The following WDR72 variants were observed in gnomAD, a reference collection of about 807,000 sequenced individuals.
The protein encoded by WDR72 is WD repeat domain 72, also known as WD repeat-containing protein 72.
A neutral mutation model predicts 124.2 loss-of-function variants in WDR72; 120 were observed. The ratio of observed to expected loss-of-function variants is 0.97; its 90% CI spans 0.83 to 1.12. WDR72 has a LOEUF of 1.12. WDR72 is among the 50% of genes most tolerant of loss of function. The probability of loss-of-function intolerance (pLI) is 0.00; values close to 1 mark genes in which losing one functional copy is unlikely to be tolerated. For synonymous variants in WDR72, 452 were observed against 441.7 expected, an observed-to-expected ratio of 1.02 and a Z score of -0.29; for missense variants, 1,387 against 1,278.8, an observed-to-expected ratio of 1.08 and a Z score of -1.29.
chr15:53,587,413 A>G (rs1342327790), intron 18 of WDR72, among the ~76,000 whole-genome samples: 2 of 151,980 alleles, frequency 1.3e-5, no homozygotes, highest in Non-Finnish European at 2.9e-5. Context: ...ATATGCATCA[A>G]TAGCAGTGGT....
chr15:53,515,910 A>C lies in WDR72; in HGVS notation c.*1789T>G, dbSNP rs1347923500. On this transcript the variant is annotated 3_prime_UTR_variant, in exon 20 of 20. Coordinates refer to ENST00000360509, the MANE Select transcript of WDR72 (RefSeq NM_182758.4). ...CCTGAGCGTCCAAATAGATTTTAAC[A>C]ATTAAAAATGCCTCATTTGAGAGGA... 6.6e-6 allele frequency: 1 copy of C among 152,146 alleles called. No homozygotes were observed. The allele number at this position is 152,146 out of a possible 1,614,324, so 9.4% of individuals were successfully genotyped here. A position where few individuals can be genotyped will look rare whatever the true frequency, so the allele number is the denominator to read the frequency against.
At chr15:53,536,538 A>G (rs1317346831) in intron 18 of WDR72, among the ~76,000 whole-genome samples, 1 of 152,130 alleles carries the variant, frequency 6.6e-6, no homozygotes, top group Non-Finnish European at 1.5e-5. Context: ...TCCTACATCT[A>G]TAAGAGAGCT....
chr15:53,754,638 C>G (rs1034107552), intron 1 of WDR72, among the ~76,000 whole-genome samples: 1 of 152,016 alleles, frequency 6.6e-6, no homozygotes, highest in East Asian at 1.9e-4. Context: ...GGAATCGATC[C>G]AACCCATTTT....
chr15:53,650,893 GT>G (rs71297666), intron 14 of WDR72, among the ~76,000 whole-genome samples: 27,356 of 106,256 alleles, frequency 0.26, 3,093 homozygotes, highest in East Asian at 0.45. Flanking sequence ...CTCTAATTCA[GT>G]TTTTTTTTTT....
chr15:53,592,455 G>C (rs550717047), intron 18 of WDR72, among the ~76,000 whole-genome samples: 1 of 152,030 alleles, frequency 6.6e-6, no homozygotes, highest in Non-Finnish European at 1.5e-5. Flanking sequence ...TACTTCTGCA[G>C]GGCAGGATCA....
chr15:53,588,253 C>A (rs1209623017), intron 18 of WDR72, among the ~76,000 whole-genome samples: 2 of 152,000 alleles, frequency 1.3e-5, no homozygotes, highest in South Asian at 2.1e-4. Context: ...CCATCATACA[C>A]CATGTGGTCC....
intron 12 of WDR72, 82 bp downstream of exon 12, chr15:53,702,052 G>C: frequency 2.9e-6 from 3 of 1,032,284 alleles, no homozygotes; most frequent in Non-Finnish European, 2.8e-6. Context: ...GGAAATATGG[G>C]TCATTTTTAC....
intron 18 of WDR72, among the ~76,000 whole-genome samples, chr15:53,529,164 A>ATATATATATATATTTTTTTT (rs59003623): frequency 2.7e-4 from 21 of 78,144 alleles, no homozygotes; most frequent in African/African-American, 1.0e-3. Flanking sequence ...ATATATATAT[A>ATATATATATATATTTTTTTT]TTTTTTTTTT....
chr15:53,743,967 T>G (rs1045125808), intron 1 of WDR72, among the ~76,000 whole-genome samples: 7 of 127,318 alleles, frequency 5.5e-5, no homozygotes, highest in African/African-American at 2.1e-4. Flanking sequence ...AGAGCGAGAC[T>G]CGTCTCAAAA....
chr15:53,522,647 A>G (rs1255177900), intron 19 of WDR72, among the ~76,000 whole-genome samples: 1 of 152,054 alleles, frequency 6.6e-6, no homozygotes, highest in Non-Finnish European at 1.5e-5. Flanking sequence ...TCTATAAAGG[A>G]TATATACAAA....
At chr15:53,760,757 A>C (rs10467926), upstream of WDR72, among the ~76,000 whole-genome samples, 76,541 of 152,082 alleles carry the variant, frequency 0.5, 20,798 homozygotes, top group Middle Eastern at 0.66. Context: ...GAAAGCTCCA[A>C]ATTATTCTCC....
chr15:53,596,809 T>C (rs138911414), intron 18 of WDR72, among the ~76,000 whole-genome samples: 5 of 152,298 alleles, frequency 3.3e-5, no homozygotes, highest in African/African-American at 4.8e-5. Flanking sequence ...GATGATATAC[T>C]GTGAACTTAC....
intron 12 of WDR72, among the ~76,000 whole-genome samples, chr15:53,701,533 C>CCTCTCTCTCTCTCT (rs1257852154): frequency 1.8e-5 from 1 of 56,268 alleles, no homozygotes; most frequent in African/African-American, 5.9e-5. Context: ...AAAGTGAGAC[C>CCTCTCTCTCTCTCT]CTGTCTCTCT....
intron 14 of WDR72, among the ~76,000 whole-genome samples, chr15:53,638,067 T>C (rs527801063): frequency 2.6e-5 from 4 of 152,226 alleles, no homozygotes; most frequent in African/African-American, 9.6e-5. Flanking sequence ...GAAATAGTAC[T>C]GACCAATGAA....
At chr15:53,598,953 G>A (rs1003998836) in intron 17 of WDR72, among the ~76,000 whole-genome samples, 6 of 152,004 alleles carry the variant, frequency 3.9e-5, no homozygotes, top group African/African-American at 9.6e-5. Flanking sequence ...GTGAAACCCC[G>A]TCTGTACAAA....
chr15:53,655,431 T>C (rs2015388013), intron 14 of WDR72, among the ~76,000 whole-genome samples: 1 of 152,124 alleles, frequency 6.6e-6, no homozygotes, highest in African/African-American at 2.4e-5. Context: ...AGATGTCAAC[T>C]GTCAAATAAT....
chr15:53,717,905 C>A (rs72749243), intron 3 of WDR72, among the ~76,000 whole-genome samples: 9,161 of 152,012 alleles, frequency 0.06, 336 homozygotes, highest in East Asian at 0.075. Context: ...AGGAAAAAAT[C>A]TCTCTGTGTG....
At chr15:53,519,110 A>G (rs1272917163) in intron 19 of WDR72, among the ~76,000 whole-genome samples, 1 of 152,116 alleles carries the variant, frequency 6.6e-6, no homozygotes, top group Non-Finnish European at 1.5e-5. Context: ...TTCCAAGCCA[A>G]TATGGTGACA....
chr15:53,719,309 T>C (rs1232461587), intron 3 of WDR72, among the ~76,000 whole-genome samples: 1 of 152,208 alleles, frequency 6.6e-6, no homozygotes, highest in Non-Finnish European at 1.5e-5. Context: ...CTTCTTCCTC[T>C]GTCTGCTTCT....
Sources: allele counts gnomAD v4.1 joint callset (sites outside exome capture counted in the v4.1 genomes callset), GRCh38; gene constraint gnomAD v4.1.1; transcripts MANE v1.5; gene names NCBI Gene and HGNC (gene_info 2026-07-23, HGNC 2026-07-21).